MTUS1: variants seen among roughly 807,000 people sequenced by gnomAD.
MTUS1 encodes the protein microtubule associated scaffold protein 1.
In MTUS1, 109 loss-of-function variants were observed where a neutral mutation model predicts 120.8. The ratio of observed to expected loss-of-function variants is 0.90; its 90% CI spans 0.77 to 1.06. The LOEUF (loss-of-function observed/expected upper bound fraction) is 1.06. MTUS1 is among the 50% of genes least tolerant of loss of function. The pLI, the probability that MTUS1 is intolerant of heterozygous loss-of-function variation, is 0.00. For missense variants in MTUS1, 2,210 were observed against 1,486.3 expected (o/e 1.49, Z -8.01); for synonymous variants, 737 against 550.5 (o/e 1.34, Z -4.74).
chr8:17,766,609 T>G (rs962236906), intron 1 of MTUS1, among the ~76,000 whole-genome samples: 6 of 152,216 alleles, frequency 3.9e-5, no homozygotes, highest in African/African-American at 1.4e-4. Flanking sequence ...TATATGAAAT[T>G]TGTAGAACGC....
chr8:17,646,528 C>T lies in MTUS1; in HGVS notation c.3600-389G>A, dbSNP rs540765501. 6.6e-5 allele frequency among the ~76,000 whole-genome samples: 10 copies of T among 152,248 alleles called. No homozygotes were observed. In the South Asian group the frequency reaches 1.9e-3, roughly 28 times the overall value. On this transcript the variant is annotated intron_variant, in intron 14 of 14. Transcript: ENST00000693296. ...GCTCGAGCCTAGGAGGTGGAGGCTG[C>T]AGTAAGCTAAGATCACACCACTGTA...
intron 1 of MTUS1, among the ~76,000 whole-genome samples, chr8:17,782,887 G>A (rs2050983245): frequency 6.6e-6 from 1 of 152,152 alleles, no homozygotes; most frequent in South Asian, 2.1e-4. Context: ...GGACCAGCCT[G>A]GCCAACATGG....
intron 1 of MTUS1, among the ~76,000 whole-genome samples, chr8:17,769,023 A>C (rs1168226323): frequency 6.6e-6 from 1 of 152,102 alleles, no homozygotes; most frequent in Non-Finnish European, 1.5e-5. Flanking sequence ...AGTTTGTCTT[A>C]GATAACTCAC....
intron 8 of MTUS1, among the ~76,000 whole-genome samples, chr8:17,671,585 C>A (rs1279589353): frequency 2.0e-5 from 3 of 152,202 alleles, no homozygotes; most frequent in African/African-American, 7.2e-5. Context: ...CACAGTGAGA[C>A]TGAGGGAACA....
In MTUS1 at chr8:17,755,271, T is replaced by C. The variant is rs1351436281; in HGVS notation, c.537A>G (p.Gly179=). The C allele has an allele frequency of 1.2e-6, 2 of 1,614,198 alleles. No individual in the cohort carries two copies. Among genetic ancestry groups the C allele is most frequent in the East Asian group, 4.5e-5 (2 of 44,878 alleles). ...CAGCAGTATGGAAGGACTGACTCTT[T>C]CCGATGGCATGATGTGATATAAAGG... ...NCTFISHHAI[G]KSQSFHTAGS... The change falls in exon 2 of 15, where the codon GGA becomes GGG. Residue 179 remains glycine, a synonymous_variant. Transcript: ENST00000693296.
In MTUS1 at chr8:17,723,776, A is replaced by G. The variant is rs566162425; in HGVS notation, c.2345T>C (p.Leu782Pro). The change falls in exon 4 of 15, where the codon CTT becomes CCT. Residue 782 changes from leucine (L) to proline (P), a missense_variant. Physicochemically the swap from Leu to Pro is moderately conservative, Grantham distance 98 (BLOSUM62 -3). Coordinates refer to ENST00000693296, the MANE Select transcript of MTUS1 (RefSeq NM_001363059.2). ...TTTCAAAGATGCTTTGGATTTAGGA[A>G]GTGGTCTAGGCAAATTCACCCATGA... is the stretch of plus-strand genomic sequence containing the variant. ...QSSWVNLPRP[L>P]PKSKASLKSP... 8.7e-6 allele frequency: 14 copies of G among 1,610,242 alleles called. 1 individual carries two copies. The South Asian group carries it at 9.9e-5, about 11-fold the overall frequency.
chr8:17,764,038 A>T (rs1423873251), intron 1 of MTUS1, among the ~76,000 whole-genome samples: 1 of 152,148 alleles, frequency 6.6e-6, no homozygotes. Context: ...CCCAGATCTC[A>T]GCGAGCAAGA....
intron 1 of MTUS1, among the ~76,000 whole-genome samples, chr8:17,782,747 C>G (rs11781256): frequency 1 from 152,114 of 152,310 alleles, 75,960 homozygotes; most frequent in Middle Eastern, 1. Context: ...AAAAATGTTT[C>G]ATTCCCAGGT....
chr8:17,661,540 C>T (rs1006316922), intron 8 of MTUS1, among the ~76,000 whole-genome samples: 2 of 151,944 alleles, frequency 1.3e-5, no homozygotes, highest in Admixed American at 6.6e-5. Context: ...AAAATACTGT[C>T]GCTTTGAATA....
chr8:17,676,487 C>T (rs1003534652), intron 7 of MTUS1: 2 of 605,840 alleles, frequency 3.3e-6, no homozygotes, highest in East Asian at 2.8e-5. Flanking sequence ...CTGCAGGTTA[C>T]CGTGTGCCTC....
chr8:17,643,849 C>T lies in MTUS1; in HGVS notation c.*2077G>A, dbSNP rs1805313499. On this transcript the variant is annotated 3_prime_UTR_variant, in exon 15 of 15. Coordinates refer to ENST00000693296, the MANE Select transcript of MTUS1 (RefSeq NM_001363059.2). The stretch of plus-strand genomic sequence containing the variant: ...TTTGATCAGAGTAAAATACACTTCC[C>T]ATCACTACAAACTGAGCACAACTAC... The T allele has an allele frequency of 6.6e-6, 1 of 152,196 alleles. No individual in the cohort carries two copies. The highest frequency in any genetic ancestry group is 1.5e-5 in the Non-Finnish European group (1 of 68,040). The allele number at this position is 152,196 out of a possible 1,614,324, so 9.4% of individuals were successfully genotyped here. A position where few individuals can be genotyped will look rare whatever the true frequency, so the allele number is the denominator to read the frequency against.
rs780202425 is a variant in MTUS1 at position 17,753,871 on chromosome 8, T to C, written c.1937A>G (p.Glu646Gly). ...GGTCATTTCCAAACATTCTGCACTT[T>C]CCATTTTAACAGGGAGTATGCCTTT... ...KIKGILPVKMESAECLEMTYV... is the reference protein window; with the variant it reads ...KIKGILPVKMGSAECLEMTYV... Residue 646 changes from glutamate to glycine, a missense_variant, in exon 2 of 15, where the codon GAA becomes GGA. By Grantham distance (98) the Glu-to-Gly change is moderately conservative (BLOSUM62 -2). Transcript: ENST00000693296. 9.9e-6 allele frequency: 16 copies of C among 1,614,056 alleles called. No homozygotes were observed. The highest frequency in any genetic ancestry group is 1.3e-5 in the African/African-American group (1 of 74,928).
chr8:17,703,993 T>A (rs1045902058), intron 6 of MTUS1: 3 of 152,762 alleles, frequency 2.0e-5, no homozygotes, highest in Admixed American at 2.0e-4. Context: ...TAGGTGGACA[T>A]CACGGACCTA....
In MTUS1 at chr8:17,754,587, C is replaced by T. The variant is rs768351599; in HGVS notation, c.1221G>A (p.Ser407=). The T allele has an allele frequency of 7.4e-6, 12 of 1,614,070 alleles. No homozygotes were observed. The highest frequency in any genetic ancestry group is 3.3e-4 in the Middle Eastern group (2 of 6,084). ...TTGCATCCCAAGTCAGTCCAAATGA[C>T]GAGCCCACCTTTTGTCCTGGCGGGC... ...LSSPPGQKVG[S]SFGLTWDAND... is the part of the protein sequence containing the mutation. Residue 407 remains serine, a synonymous_variant, in exon 2 of 15, where the codon TCG becomes TCA. Transcript: ENST00000693296.
chr8:17,661,441 A>G (rs945273899), intron 8 of MTUS1, among the ~76,000 whole-genome samples: 2 of 152,196 alleles, frequency 1.3e-5, no homozygotes, highest in African/African-American at 4.8e-5. Context: ...TAAACAAGAG[A>G]CTGCCTCCAA....
At chr8:17,794,739 T>C (rs1178251663) in intron 1 of MTUS1, among the ~76,000 whole-genome samples, 1 of 152,162 alleles carries the variant, frequency 6.6e-6, no homozygotes, top group East Asian at 1.9e-4. Flanking sequence ...AAAAATAAGA[T>C]TTTAACAGTG....
chr8:17,718,800 C>T (rs1025542267), intron 4 of MTUS1, among the ~76,000 whole-genome samples: 21 of 151,670 alleles, frequency 1.4e-4, no homozygotes, highest in African/African-American at 5.1e-4. Context: ...AATAAAGGAG[C>T]TGGTGAGTCT....
intron 12 of MTUS1, 39 bp downstream of exon 12, chr8:17,653,147 G>A: frequency 1.6e-6 from 2 of 1,260,266 alleles, no homozygotes; most frequent in Non-Finnish European, 2.2e-6. Context: ...CAACTGAGAA[G>A]AAAAATTCCA....
intron 7 of MTUS1, among the ~76,000 whole-genome samples, chr8:17,683,038 C>T (rs1247573721): frequency 5.3e-5 from 8 of 152,156 alleles, no homozygotes; most frequent in Non-Finnish European, 8.8e-5. Flanking sequence ...TTTGGGAGGC[C>T]GAGGCAGACA....
Sources: gnomAD v4.1 joint callset for allele counts (sites outside exome capture counted in the v4.1 genomes callset) on GRCh38, gnomAD v4.1.1 for gene constraint, MANE v1.5 for transcripts, NCBI Gene and HGNC (gene_info 2026-07-23, HGNC 2026-07-21) for gene names.